The following TGFBR3 variants were observed in gnomAD, a reference collection of about 807,000 sequenced individuals.
TGFBR3 encodes transforming growth factor beta receptor type 3.
A neutral mutation model predicts 87.9 loss-of-function variants in TGFBR3; 46 were observed. The observed-to-expected ratio is 0.52, with a 90% CI of 0.41 to 0.67. The LOEUF (loss-of-function observed/expected upper bound fraction) is 0.67. Among genes scored for constraint, TGFBR3 ranks in the 30% least tolerant of loss-of-function variants. The probability of loss-of-function intolerance (pLI) is 0.00; values close to 1 mark genes in which losing one functional copy is unlikely to be tolerated. For missense variants in TGFBR3, 866 were observed against 1,041.9 expected (o/e 0.83, Z 2.32); for synonymous variants, 381 against 391.6 (o/e 0.97, Z 0.32).
chr1:91,893,445 G>A (rs1009822033), intron 2 of TGFBR3, among the ~76,000 whole-genome samples: 4 of 151,940 alleles, frequency 2.6e-5, no homozygotes, highest in African/African-American at 4.8e-5. Context: ...CACCATGCCC[G>A]GTTAATTGTT....
chr1:91,885,763 C>T (rs1017233963), intron 1 of TGFBR3, 115 bp downstream of exon 1: 3 of 210,480 alleles, frequency 1.4e-5, no homozygotes, highest in Non-Finnish European at 2.8e-5. Flanking sequence ...GCTGGAGCGA[C>T]CCTGGCCGGT....
intron 1 of TGFBR3, among the ~76,000 whole-genome samples, chr1:91,880,028 A>G (rs1679011622): frequency 6.6e-6 from 1 of 152,210 alleles, no homozygotes; most frequent in African/African-American, 2.4e-5. Flanking sequence ...GTTACTCTGA[A>G]GATGCAGAAC....
intron 2 of TGFBR3, among the ~76,000 whole-genome samples, chr1:91,823,673 A>G (rs994661171): frequency 6.6e-6 from 1 of 152,236 alleles, no homozygotes; most frequent in Non-Finnish European, 1.5e-5. Context: ...TAGCAACAGA[A>G]AGCAGATTAG....
chr1:91,749,794 T>C (rs940624861), intron 4 of TGFBR3, among the ~76,000 whole-genome samples: 4 of 152,188 alleles, frequency 2.6e-5, no homozygotes, highest in Non-Finnish European at 2.9e-5. Flanking sequence ...TTGGGGTTTC[T>C]TTCCCCTCCT....
At chr1:91,800,330 ATG>A (rs371979320) in intron 2 of TGFBR3, among the ~76,000 whole-genome samples, 1,644 of 136,152 alleles carry the variant, frequency 0.012, 30 homozygotes, top group African/African-American at 0.041. Context: ...ATATGTGTAT[ATG>A]TGTGTGTGTG....
intron 3 of TGFBR3, among the ~76,000 whole-genome samples, chr1:91,793,849 G>A (rs1233177810): frequency 2.7e-5 from 4 of 149,324 alleles, no homozygotes; most frequent in Non-Finnish European, 5.9e-5. Flanking sequence ...ACTGCACAAA[G>A]GCTGCCTCTG....
In TGFBR3 at chr1:91,719,562, C is replaced by T. The variant is rs562575751; in HGVS notation, c.1414-98G>A. On this transcript the variant is annotated intron_variant, in intron 9 of 16. Transcript: ENST00000212355. ...AATTGCCTGGTCTTCCAAGGACAGG[C>T]GATGAGAGGCCTGCATCGTGCCCCT... 370 of 1,471,520 alleles carry T rather than the reference C, an allele frequency of 2.5e-4. 2 individuals are homozygous for T. The African/African-American group carries it at 3.9e-3, about 16-fold the overall frequency. 91.2% of individuals were successfully genotyped at this position (1,471,520 alleles called of 1,614,324 possible). A position where few individuals can be genotyped will look rare whatever the true frequency, so the allele number is the denominator to read the frequency against.
At chr1:91,698,214 A>T (rs1270798784) in intron 14 of TGFBR3, 84 bp from the exon 15 acceptor site, 1 of 1,147,894 alleles carries the variant, frequency 8.7e-7, no homozygotes, top group Non-Finnish European at 1.3e-6. Context: ...GCAGAAACTG[A>T]CACTTTTCCA....
chr1:91,860,295 T>C (rs963268971), intron 2 of TGFBR3, among the ~76,000 whole-genome samples: 1 of 152,236 alleles, frequency 6.6e-6, no homozygotes, highest in African/African-American at 2.4e-5. Context: ...AGTGCCTGGA[T>C]ATAGTGCCCA....
chr1:91,832,877 A>G (rs1406013541), intron 2 of TGFBR3, among the ~76,000 whole-genome samples: 2 of 151,894 alleles, frequency 1.3e-5, no homozygotes, highest in African/African-American at 2.4e-5. Context: ...TAAAAATGGT[A>G]CATGCCTGTA....
intron 14 of TGFBR3, among the ~76,000 whole-genome samples, chr1:91,706,069 C>G (rs1671790281): frequency 6.6e-6 from 1 of 152,192 alleles, no homozygotes; most frequent in East Asian, 1.9e-4. Context: ...AAAAAGCAAG[C>G]CGCTGCCTTC....
At chr1:91,890,945 T>C (rs1007845246), upstream of TGFBR3, among the ~76,000 whole-genome samples, 4 of 151,686 alleles carry the variant, frequency 2.6e-5, no homozygotes, top group African/African-American at 7.3e-5. Context: ...TCACCCAGGC[T>C]AGAGTGCAGT....
At position 91,796,348 on chromosome 1, in the gene TGFBR3, G is replaced by T. The variant is rs558072594; in HGVS notation, c.246+939C>A. On this transcript the variant is annotated intron_variant, in intron 3 of 16. Coordinates refer to ENST00000212355, the MANE Select transcript of TGFBR3 (RefSeq NM_003243.5). ...GCACCTGTTTTGTCACCTGTAAAAT[G>T]AGTATAATTGTAGGATTCATGGAGT... is the stretch of plus-strand genomic sequence containing the variant. Among the ~76,000 whole-genome samples, 8 of 152,334 alleles carry T rather than the reference G, an allele frequency of 5.3e-5. No individual in the cohort carries two copies. The East Asian group carries it at 1.5e-3, about 29-fold the overall frequency.
intron 4 of TGFBR3, among the ~76,000 whole-genome samples, chr1:91,742,785 C>A (rs1269545877): frequency 6.6e-6 from 1 of 152,128 alleles, no homozygotes; most frequent in Non-Finnish European, 1.5e-5. Context: ...CCTGGACTCT[C>A]CTGAATGCTC....
rs1304127047 is a variant in TGFBR3, at chr1:91,716,630, C to G, written c.1645G>C (p.Gly549Arg). Residue 549 changes from glycine to arginine, a missense_variant, in exon 11 of 17, where the codon GGA becomes CGA. Transcript: ENST00000212355. ...CCTTCATCCATATCTCCCGGAAATCCATTATCACCTGACTCCAGATCTTCA... is the reference window on the plus strand; with the variant it reads ...CCTTCATCCATATCTCCCGGAAATCGATTATCACCTGACTCCAGATCTTCA... ...GYEDLESGDN[G>R]FPGDMDEGDA... 3.7e-6 allele frequency: 6 copies of G among 1,614,002 alleles called. No homozygotes were observed. Among genetic ancestry groups the G allele is most frequent in the Admixed American group, 3.3e-5 (2 of 60,002 alleles).
intron 16 of TGFBR3, among the ~76,000 whole-genome samples, chr1:91,692,389 T>C (rs1671296644): frequency 6.6e-6 from 1 of 151,684 alleles, no homozygotes; most frequent in Non-Finnish European, 1.5e-5. Flanking sequence ...AGGGGTGTGA[T>C]TTTTTTTTCA....
chr1:91,707,259 A>G (rs889149082), intron 14 of TGFBR3, among the ~76,000 whole-genome samples: 2 of 152,196 alleles, frequency 1.3e-5, no homozygotes, highest in African/African-American at 4.8e-5. Flanking sequence ...CCCAGCTCCA[A>G]TCCAGTGTGC....
intron 2 of TGFBR3, among the ~76,000 whole-genome samples, chr1:91,807,580 C>A (rs1017668509): frequency 6.6e-6 from 1 of 152,178 alleles, no homozygotes; most frequent in African/African-American, 2.4e-5. Context: ...CTTTAGGAAT[C>A]CAAATTCTCA....
intron 13 of TGFBR3, among the ~76,000 whole-genome samples, chr1:91,711,351 A>T (rs1476043729): frequency 6.6e-6 from 1 of 152,224 alleles, no homozygotes; most frequent in Non-Finnish European, 1.5e-5. Context: ...AATTCAGATC[A>T]ATTGTAATCT....
Sources: allele counts gnomAD v4.1 joint callset (sites outside exome capture counted in the v4.1 genomes callset), GRCh38; gene constraint gnomAD v4.1.1; transcripts MANE v1.5; gene names NCBI Gene and HGNC (gene_info 2026-07-23, HGNC 2026-07-21).